Variants in ADGRB3 observed in about 807,000 individuals in gnomAD.
ADGRB3 encodes adhesion G protein-coupled receptor B3, also known as brain-specific angiogenesis inhibitor 3.
A neutral mutation model predicts 193.4 loss-of-function variants in ADGRB3; 37 were observed. The observed-to-expected ratio is 0.19, with a 90% CI of 0.15 to 0.25. The LOEUF (loss-of-function observed/expected upper bound fraction) is 0.25. Among genes scored for constraint, ADGRB3 ranks in the 10% least tolerant of loss-of-function variants. The pLI, the probability that ADGRB3 is intolerant of heterozygous loss-of-function variation, is 1.00. For missense variants in ADGRB3, 1,637 were observed against 1,852.9 expected (o/e 0.88, Z 2.14); for synonymous variants, 690 against 644.2 (o/e 1.07, Z -1.08).
intron 3 of ADGRB3, among the ~76,000 whole-genome samples, chr6:68,663,358 A>T (rs1454118440): frequency 6.6e-6 from 1 of 151,658 alleles, no homozygotes; most frequent in Non-Finnish European, 1.5e-5. Context: ...CCAAATTTGC[A>T]TAATAAATCA....
At chr6:68,919,281 T>A (rs1766962200) in intron 3 of ADGRB3, among the ~76,000 whole-genome samples, 1 of 152,248 alleles carries the variant, frequency 6.6e-6, no homozygotes, top group South Asian at 2.1e-4. Flanking sequence ...TTTAATTTTA[T>A]ATTTATTTAT....
intron 17 of ADGRB3, among the ~76,000 whole-genome samples, chr6:69,110,084 A>G (rs1582467843): frequency 6.6e-6 from 1 of 151,590 alleles, no homozygotes; most frequent in East Asian, 2.0e-4. Flanking sequence ...AGTAGCTGGG[A>G]TTACAGGCGC....
At chr6:69,198,490 T>C (rs1765346046) in intron 17 of ADGRB3, among the ~76,000 whole-genome samples, 1 of 151,978 alleles carries the variant, frequency 6.6e-6, no homozygotes. Flanking sequence ...GATAAGGTGA[T>C]GGGGAAGGCC....
rs888361848 is a variant in ADGRB3 at position 69,387,179 on chromosome 6, C to T, written c.4381-1524C>T. 3.3e-5 allele frequency among the ~76,000 whole-genome samples: 5 copies of T among 152,142 alleles called. No homozygotes were observed. In the South Asian group the frequency reaches 8.3e-4, roughly 25 times the overall value. On this transcript the variant is annotated intron_variant, in intron 31 of 31. Transcript: ENST00000370598. Reference sequence around the variant, plus strand: ...GAAGTGGAGGAACTGGAATTTGGACCTGCATGTATCAGGCTTTAAATCTTG... The same window carrying T: ...GAAGTGGAGGAACTGGAATTTGGACTTGCATGTATCAGGCTTTAAATCTTG...
chr6:69,252,570 A>G (rs892608590), intron 20 of ADGRB3, among the ~76,000 whole-genome samples: 17 of 152,126 alleles, frequency 1.1e-4, no homozygotes, highest in Non-Finnish European at 2.1e-4. Flanking sequence ...TATTCTTGGC[A>G]ACATTTTAAT....
intron 3 of ADGRB3, among the ~76,000 whole-genome samples, chr6:68,763,844 A>G (rs1042411053): frequency 6.6e-6 from 1 of 152,142 alleles, no homozygotes; most frequent in Non-Finnish European, 1.5e-5. Flanking sequence ...AGGCCGAGGC[A>G]GGCTGATTGC....
chr6:69,337,663 CATA>C (rs1321554131), intron 24 of ADGRB3, among the ~76,000 whole-genome samples: 3 of 152,182 alleles, frequency 2.0e-5, no homozygotes, highest in African/African-American at 7.2e-5. Flanking sequence ...GATTTAGTGT[CATA>C]TTCCCCACCC....
chr6:68,721,791 G>A (rs1262571519), intron 3 of ADGRB3, among the ~76,000 whole-genome samples: 2 of 150,746 alleles, frequency 1.3e-5, no homozygotes, highest in Non-Finnish European at 3.0e-5. Flanking sequence ...CCAACAAGGT[G>A]GCAATCCCTA....
At chr6:69,259,710 A>G (rs1010836265) in intron 20 of ADGRB3, among the ~76,000 whole-genome samples, 1 of 151,742 alleles carries the variant, frequency 6.6e-6, no homozygotes, top group Non-Finnish European at 1.5e-5. Flanking sequence ...AAAAAAAAAA[A>G]AAAAAAAATT....
At chr6:69,031,592 C>CT (rs1770709317) in intron 13 of ADGRB3, among the ~76,000 whole-genome samples, 1 of 26,314 alleles carries the variant, frequency 3.8e-5, no homozygotes, top group Non-Finnish European at 9.1e-5. Flanking sequence ...GTCTCTCTTT[C>CT]TTTCTTCTCT....
chr6:68,829,074 A>G (rs1201017460), intron 3 of ADGRB3, among the ~76,000 whole-genome samples: 2 of 141,596 alleles, frequency 1.4e-5, no homozygotes, highest in Non-Finnish European at 3.1e-5. Flanking sequence ...TTTTTTTTTT[A>G]ATAGCTGTTT....
intron 17 of ADGRB3, among the ~76,000 whole-genome samples, chr6:69,219,460 C>CATATATATATATATATATAT (rs1561956677): frequency 1.8e-5 from 1 of 54,826 alleles, no homozygotes; most frequent in African/African-American, 5.0e-5. Context: ...TACACACACA[C>CATATATATATATATATATAT]GTATATATAT....
At chr6:68,784,344 T>C (rs1323326799) in intron 3 of ADGRB3, among the ~76,000 whole-genome samples, 4 of 152,124 alleles carry the variant, frequency 2.6e-5, no homozygotes, top group Non-Finnish European at 5.9e-5. Flanking sequence ...GATACCAGTG[T>C]TACTTTTTTC....
chr6:68,910,308 C>T (rs914068833), intron 3 of ADGRB3, among the ~76,000 whole-genome samples: 7 of 151,986 alleles, frequency 4.6e-5, no homozygotes, highest in African/African-American at 1.7e-4. Context: ...GGATGTTAGC[C>T]CTTTGTCAGT....
chr6:69,235,124 A>G lies in ADGRB3; in HGVS notation c.2700A>G (p.Ala900=). 6.2e-7 allele frequency: 1 copy of G among 1,603,270 alleles called. No homozygotes were observed. The highest frequency in any genetic ancestry group is 1.1e-5 in the South Asian group (1 of 90,762). ...TGATTACCCTAGCAGTTGTCTATGCAGCATTATGGAGGTAAGTAATCAATT... is the reference window on the plus strand; with the variant it reads ...TGATTACCCTAGCAGTTGTCTATGCGGCATTATGGAGGTAAGTAATCAATT... The part of the protein sequence containing the change: ...LALITLAVVY[A]ALWRYIRSER... The change falls in exon 19 of 32, where the codon GCA becomes GCG. Residue 900 remains alanine (A), a synonymous_variant. Coordinates refer to ENST00000370598, the MANE Select transcript of ADGRB3 (RefSeq NM_001704.3).
Position 69,071,216 on chromosome 6 carries a change from A to G in ADGRB3, c.2437-4779A>G, listed in dbSNP as rs192895688. 2.9e-3 allele frequency among the ~76,000 whole-genome samples: 438 copies of G among 152,324 alleles called. 3 individuals carry two copies. The highest frequency in any genetic ancestry group is 4.1e-3 in the Non-Finnish European group (281 of 68,008). On this transcript the variant is annotated intron_variant, in intron 16 of 31. Transcript: ENST00000370598. The stretch of plus-strand genomic sequence containing the variant: ...CTGCACTTTGTGAGGGTAATATAAC[A>G]TAGTTGAGTATTTCCTTAAAAAGAC...
intron 19 of ADGRB3, among the ~76,000 whole-genome samples, chr6:69,236,277 C>T (rs911752703): frequency 3.3e-5 from 5 of 151,814 alleles, no homozygotes; most frequent in African/African-American, 9.7e-5. Context: ...AATTATGTAT[C>T]TCTTGACCCA....
intron 3 of ADGRB3, among the ~76,000 whole-genome samples, chr6:68,844,442 G>A (rs1463139065): frequency 1.3e-5 from 2 of 152,140 alleles, no homozygotes; most frequent in East Asian, 3.8e-4. Context: ...GCTGCAATGA[G>A]ATATTATCTC....
chr6:69,063,568 G>A (rs2785576), intron 16 of ADGRB3, among the ~76,000 whole-genome samples: 75,296 of 151,846 alleles, frequency 0.5, 20,779 homozygotes, highest in East Asian at 0.96. Context: ...AAACAGTGCA[G>A]AGGGGAATGA....
Sources: gnomAD v4.1 joint callset for allele counts (sites outside exome capture counted in the v4.1 genomes callset) on GRCh38, gnomAD v4.1.1 for gene constraint, MANE v1.5 for transcripts, NCBI Gene and HGNC (gene_info 2026-07-23, HGNC 2026-07-21) for gene names.